The following MYOM3 variants were observed in gnomAD, a reference collection of about 807,000 sequenced individuals.
The protein encoded by MYOM3 is myomesin 3, also known as myomesin-3.
A neutral mutation model predicts 191.7 loss-of-function variants in MYOM3; 155 were observed. That is an observed-to-expected ratio of 0.81 (90% CI 0.71 to 0.92). The LOEUF is 0.92. MYOM3 is among the 40% of genes least tolerant of loss of function. The pLI is 0.00. For synonymous variants in MYOM3, 757 were observed against 762.9 expected, an observed-to-expected ratio of 0.99 and a Z score of 0.13; for missense variants, 1,889 against 1,890.6, an observed-to-expected ratio of 1.00 and a Z score of 0.02.
At chr1:24,062,673 AC>A (rs987597820) in intron 32 of MYOM3, among the ~76,000 whole-genome samples, 2 of 151,874 alleles carry the variant, frequency 1.3e-5, no homozygotes, top group African/African-American at 4.8e-5. Flanking sequence ...AGCCCCACAG[AC>A]CCTTTTCCTG....
intron 20 of MYOM3, among the ~76,000 whole-genome samples, chr1:24,077,694 C>T: frequency 6.6e-6 from 1 of 152,206 alleles, no homozygotes; most frequent in Non-Finnish European, 1.5e-5. Context: ...CTTCCCATGC[C>T]TAGGAATTGG....
At chr1:24,070,799 A>T (rs542749249) in intron 25 of MYOM3, among the ~76,000 whole-genome samples, 2 of 152,338 alleles carry the variant, frequency 1.3e-5, no homozygotes, top group East Asian at 3.9e-4. Flanking sequence ...AATTATAGGC[A>T]TGAACGCAGG....
rs1643812787 is a variant in MYOM3 at position 24,090,931 on chromosome 1, G to A, written c.1298C>T (p.Pro433Leu). 2 of 1,613,942 alleles carry A rather than the reference G, an allele frequency of 1.2e-6. No homozygotes were observed. The highest frequency in any genetic ancestry group is 1.3e-5 in the African/African-American group (1 of 74,902). ...HEAPGGTCRC[P>L]IQGLVEGQSY... The stretch of plus-strand genomic sequence containing the variant: ...CTGACCTTCGACGAGGCCTTGGATT[G>A]GGCACCGACAAGTCCCTCCGGGGGC... The change falls in exon 12 of 37, where the codon CCA becomes CTA. Residue 433 changes from proline (P) to leucine (L), a missense_variant. Coordinates refer to ENST00000374434, the MANE Select transcript of MYOM3 (RefSeq NM_152372.4).
At position 24,109,183 on chromosome 1, in the gene MYOM3, G is replaced by C. The variant is rs141272118; in HGVS notation, c.-18-529C>G. On this transcript the variant is annotated intron_variant, in intron 1 of 36. Transcript: ENST00000374434. ...CCTCCTCCTGGCCCGCTTGGCTCTA[G>C]TCATGCTTCAAACCCCAACTGAGGG... Among the ~76,000 whole-genome samples the C allele has an allele frequency of 5.5e-4, 84 of 152,284 alleles. 1 individual carries two copies. Among genetic ancestry groups the C allele is most frequent in the African/African-American group, 1.8e-3 (74 of 41,558 alleles).
chr1:24,093,236 C>T, intron 9 of MYOM3, 128 bp from the exon 10 acceptor site: 1 of 653,978 alleles, frequency 1.5e-6, no homozygotes, highest in Non-Finnish European at 2.7e-6. Context: ...TCAGCTCAGG[C>T]CTTGGGTGGG....
chr1:24,094,536 G>A (rs954882728), intron 9 of MYOM3, among the ~76,000 whole-genome samples: 1 of 151,994 alleles, frequency 6.6e-6, no homozygotes, highest in Non-Finnish European at 1.5e-5. Flanking sequence ...CAGTGCCAGC[G>A]GCTACAATTG....
At chr1:24,106,130 C>A in intron 4 of MYOM3, 53 bp from the exon 5 acceptor site, 1 of 1,526,328 alleles carries the variant, frequency 6.6e-7, no homozygotes, top group South Asian at 1.3e-5. Flanking sequence ...ACCTCTCTGC[C>A]ATCTTTGCCA....
intron 32 of MYOM3, 100 bp from the exon 33 acceptor site, chr1:24,062,209 G>A (rs1195565280): frequency 6.0e-6 from 8 of 1,326,332 alleles, no homozygotes; most frequent in East Asian, 4.6e-5. Flanking sequence ...TTGAGATCAC[G>A]GGCTATGGGT....
At chr1:24,083,587 C>T (rs1643700492) in intron 16 of MYOM3, 1 of 152,202 alleles carries the variant, frequency 6.6e-6, no homozygotes, top group African/African-American at 2.4e-5. Context: ...TTAGTCTGTC[C>T]CTCTAGAGAA....
intron 27 of MYOM3, 113 bp downstream of exon 27, chr1:24,067,857 G>A: frequency 1.0e-6 from 1 of 995,170 alleles, no homozygotes; most frequent in Non-Finnish European, 1.6e-6. Flanking sequence ...CTGAATGACA[G>A]TGGACCTCCC....
Position 24,072,493 on chromosome 1 carries a change from C to A in MYOM3, c.2969-480G>T, listed in dbSNP as rs532393521. Among the ~76,000 whole-genome samples, 12 of 152,172 alleles carry A rather than the reference C, an allele frequency of 7.9e-5. No homozygotes were observed. In the East Asian group the frequency reaches 2.3e-3, roughly 29 times the overall value. Reference sequence around the variant, plus strand: ...TGCAGCCCAGAAGTCTCAGACTGTTCTAGAATGCTGTCTCATTTGCTGACC... The same window carrying A: ...TGCAGCCCAGAAGTCTCAGACTGTTATAGAATGCTGTCTCATTTGCTGACC... On this transcript the variant is annotated intron_variant, in intron 23 of 36. Transcript: ENST00000374434.
At chr1:24,072,222 C>T (rs181539626) in intron 23 of MYOM3, among the ~76,000 whole-genome samples, 11 of 152,304 alleles carry the variant, frequency 7.2e-5, no homozygotes, top group Admixed American at 1.3e-4. Context: ...GCCGGGGCTG[C>T]TGCTGGCCAC....
chr1:24,106,919 C>T (rs1038351877), intron 4 of MYOM3, among the ~76,000 whole-genome samples, 154 bp downstream of exon 4: 5 of 152,156 alleles, frequency 3.3e-5, no homozygotes, highest in Admixed American at 6.5e-5. Context: ...TGCGCTTGCC[C>T]GGGGTCACAC....
intron 18 of MYOM3, 71 bp downstream of exon 18, chr1:24,081,930 G>C: frequency 7.0e-7 from 1 of 1,429,946 alleles, no homozygotes; most frequent in Non-Finnish European, 9.5e-7. Context: ...CAGACTCCAA[G>C]ACTCAAGCAG....
chr1:24,069,444 G>A (rs1289217685), intron 25 of MYOM3, among the ~76,000 whole-genome samples: 2 of 152,206 alleles, frequency 1.3e-5, no homozygotes, highest in African/African-American at 4.8e-5. Context: ...GACAGGTGAA[G>A]AGACCTGCCA....
rs1467248440 is a variant in MYOM3, at chr1:24,075,325, A to C, written c.2852T>G (p.Val951Gly). 12 of 1,612,018 alleles carry C rather than the reference A, an allele frequency of 7.4e-6. No homozygotes were observed. The highest frequency in any genetic ancestry group is 6.7e-5 in the African/African-American group (5 of 74,774). ...DPQRVKIEDKVNKSKVILKEP... is the reference protein window; with the variant it reads ...DPQRVKIEDKGNKSKVILKEP... ...CTCCTCTCGCCTCACTTACTTGTTA[A>C]CTTTATCCTCGATCTTGACCCTCTG... Residue 951 changes from valine (V) to glycine (G), a missense_variant, in exon 22 of 37, where the codon GTT (valine) becomes GGT (glycine). Transcript: ENST00000374434.
At chr1:24,093,254 G>T (rs1007574780) in intron 9 of MYOM3, 146 bp from the exon 10 acceptor site, 7 of 626,072 alleles carry the variant, frequency 1.1e-5, no homozygotes, top group African/African-American at 3.6e-5. Context: ...GGGGGTGGTG[G>T]CCTCCAGGGC....
intron 35 of MYOM3, 147 bp downstream of exon 35, chr1:24,060,913 G>T: frequency 1.2e-6 from 1 of 856,996 alleles, no homozygotes; most frequent in Non-Finnish European, 1.8e-6. Context: ...GTCTTGCCCA[G>T]GTCTTCCCTG....
rs753504156 is a variant in MYOM3, at chr1:24,093,044, C to A, written c.993G>T (p.Lys331Asn). The A allele has an allele frequency of 6.2e-7, 1 of 1,613,224 alleles. No homozygotes were observed. The highest frequency in any genetic ancestry group is 8.5e-7 in the Non-Finnish European group (1 of 1,179,958). The change falls in exon 10 of 37, where the codon AAG (lysine) becomes AAT (asparagine). Residue 331 changes from lysine (K) to asparagine (N), a missense_variant. Lys to Asn is a moderately conservative substitution (Grantham distance 94, BLOSUM62 0). Coordinates refer to ENST00000374434, the MANE Select transcript of MYOM3 (RefSeq NM_152372.4). ...CGTCCTCCTTGTAGGTGCAGGACAC[C>A]TTCAGGGATGCCTGGCGGTCTGTGT... ...ILYTDRQASL[K>N]VSCTYKEDEG...
Sources: gnomAD v4.1 joint callset for allele counts (sites outside exome capture counted in the v4.1 genomes callset) on GRCh38, gnomAD v4.1.1 for gene constraint, MANE v1.5 for transcripts, NCBI Gene and HGNC (gene_info 2026-07-23, HGNC 2026-07-21) for gene names.